RNF121: variants seen among roughly 807,000 people sequenced by gnomAD.
RNF121 encodes the protein E3 ubiquitin ligase RNF121.
In RNF121, 21 loss-of-function variants were observed where a neutral mutation model predicts 46.5. That is an observed-to-expected ratio of 0.45 (90% CI 0.32 to 0.65). The LOEUF (loss-of-function observed/expected upper bound fraction) is 0.65. RNF121 is among the 30% of genes least tolerant of loss of function. RNF121 has a pLI of 0.04. For missense variants in RNF121, 346 were observed against 416.0 expected (o/e 0.83, Z 1.46); for synonymous variants, 139 against 144.7 (o/e 0.96, Z 0.28).
chr11:71,990,088 G>C (rs1954837422), intron 5 of RNF121, among the ~76,000 whole-genome samples: 1 of 152,192 alleles, frequency 6.6e-6, no homozygotes, highest in Admixed American at 6.5e-5. Flanking sequence ...AGAAAGAGGG[G>C]CATGTGGCCA....
intron 1 of RNF121, among the ~76,000 whole-genome samples, chr11:71,942,803 T>TACACACAC (rs141356177): frequency 8.1e-5 from 12 of 147,588 alleles, no homozygotes; most frequent in East Asian, 6.1e-4. Flanking sequence ...TATATATATG[T>TACACACAC]ACACACACAC....
intron 5 of RNF121, 96 bp downstream of exon 5, chr11:71,987,207 A>C: frequency 2.5e-6 from 2 of 807,220 alleles, no homozygotes; most frequent in Non-Finnish European, 4.3e-6. Flanking sequence ...AACAGGAGGG[A>C]CGTAATATCC....
chr11:71,946,908 C>T (rs1028239229), intron 1 of RNF121, among the ~76,000 whole-genome samples: 9 of 142,098 alleles, frequency 6.3e-5, no homozygotes, highest in East Asian at 2.1e-4. Flanking sequence ...CGCTCTGTCA[C>T]CCAGGCTGGA....
chr11:71,939,321 C>T, intron 1 of RNF121: 1 of 173,120 alleles, frequency 5.8e-6, no homozygotes, highest in Non-Finnish European at 1.3e-5. Context: ...GGCACACTTA[C>T]TGACTCCACA....
intron 5 of RNF121, among the ~76,000 whole-genome samples, chr11:71,989,276 T>C (rs531086966): frequency 6.6e-6 from 1 of 152,300 alleles, no homozygotes; most frequent in East Asian, 1.9e-4. Flanking sequence ...GGATGGGGTT[T>C]CACCATGCTG....
At chr11:71,966,144 C>T (rs764567757) in intron 3 of RNF121, among the ~76,000 whole-genome samples, 53 of 152,230 alleles carry the variant, frequency 3.5e-4, no homozygotes, top group Admixed American at 6.5e-4. Context: ...CTCAGCATCC[C>T]GAGTAGCTGG....
chr11:71,940,724 G>A (rs1237303795), intron 1 of RNF121, among the ~76,000 whole-genome samples: 1 of 152,216 alleles, frequency 6.6e-6, no homozygotes, highest in Admixed American at 6.5e-5. Flanking sequence ...AGTCCTGTGA[G>A]GTAAACCAGA....
At chr11:71,933,453 G>T (rs753961621) in intron 1 of RNF121, among the ~76,000 whole-genome samples, 1 of 152,182 alleles carries the variant, frequency 6.6e-6, no homozygotes, top group African/African-American at 2.4e-5. Context: ...CTTGTTAAAA[G>T]AGAAGACTGG....
At chr11:71,944,534 A>G (rs1452213108) in intron 1 of RNF121, among the ~76,000 whole-genome samples, 1 of 152,220 alleles carries the variant, frequency 6.6e-6, no homozygotes, top group African/African-American at 2.4e-5. Context: ...GCATATGTTA[A>G]GTCCCAAAGG....
At chr11:71,976,118 C>T (rs1301680014) in intron 3 of RNF121, among the ~76,000 whole-genome samples, 2 of 152,114 alleles carry the variant, frequency 1.3e-5, no homozygotes, top group Admixed American at 6.5e-5. Flanking sequence ...TTGTAGTCTT[C>T]TCCAGGCTTA....
At chr11:71,974,796 C>T (rs1372479794) in intron 3 of RNF121, among the ~76,000 whole-genome samples, 2 of 152,168 alleles carry the variant, frequency 1.3e-5, no homozygotes, top group Non-Finnish European at 2.9e-5. Flanking sequence ...TCCCCAGCCT[C>T]TCCAGATTTC....
At chr11:71,969,347 A>G (rs1364809107) in intron 3 of RNF121, among the ~76,000 whole-genome samples, 1 of 152,238 alleles carries the variant, frequency 6.6e-6, no homozygotes, top group African/African-American at 2.4e-5. Flanking sequence ...AAGACAAAAT[A>G]TAAAATAACT....
intron 3 of RNF121, among the ~76,000 whole-genome samples, chr11:71,966,322 T>C (rs991326457): frequency 1.7e-4 from 26 of 152,122 alleles, no homozygotes; most frequent in African/African-American, 6.3e-4. Context: ...CCTGGCCTGA[T>C]ATTTCCATTT....
At chr11:71,934,586 T>G (rs1384766396) in intron 1 of RNF121, among the ~76,000 whole-genome samples, 1 of 152,240 alleles carries the variant, frequency 6.6e-6, no homozygotes, top group Non-Finnish European at 1.5e-5. Context: ...CCAGAGATTT[T>G]CTTCTCTAGA....
chr11:71,973,033 A>G (rs1195127068), intron 3 of RNF121, among the ~76,000 whole-genome samples: 1 of 151,974 alleles, frequency 6.6e-6, no homozygotes, highest in East Asian at 1.9e-4. Flanking sequence ...CTAAAAATAC[A>G]CTGTTAGCCG....
intron 1 of RNF121, among the ~76,000 whole-genome samples, chr11:71,933,736 C>G (rs1297282551): frequency 1.3e-5 from 2 of 152,322 alleles, no homozygotes; most frequent in South Asian, 2.1e-4. Context: ...CGTGAGAGAG[C>G]AGAGTCCAAG....
chr11:71,985,350 A>G (rs1954752079), intron 4 of RNF121, among the ~76,000 whole-genome samples: 1 of 152,232 alleles, frequency 6.6e-6, no homozygotes, highest in Non-Finnish European at 1.5e-5. Context: ...TGTTTTACAA[A>G]GAAAATCACC....
chr11:71,972,499 A>G (rs1954440591), intron 3 of RNF121, among the ~76,000 whole-genome samples: 1 of 152,062 alleles, frequency 6.6e-6, no homozygotes, highest in Non-Finnish European at 1.5e-5. Flanking sequence ...GTGGGCATCC[A>G]ATGACCACTG....
At chr11:71,937,148 C>T (rs1183968733) in intron 1 of RNF121, among the ~76,000 whole-genome samples, 1 of 152,166 alleles carries the variant, frequency 6.6e-6, no homozygotes, top group African/African-American at 2.4e-5. Flanking sequence ...TCCCGTAGCG[C>T]CCTGTACAGA....
Sources: gnomAD v4.1 joint callset for allele counts (sites outside exome capture counted in the v4.1 genomes callset) on GRCh38, gnomAD v4.1.1 for gene constraint, MANE v1.5 for transcripts, NCBI Gene and HGNC (gene_info 2026-07-23, HGNC 2026-07-21) for gene names.